DISC1: variants seen among roughly 807,000 people sequenced by gnomAD.
The protein encoded by DISC1 is DISC1 scaffold protein, also known as disrupted in schizophrenia 1 protein.
In DISC1, 57 loss-of-function variants were observed where a neutral mutation model predicts 84.5. The ratio of observed to expected loss-of-function variants is 0.67; its 90% confidence interval spans 0.55 to 0.84. The LOEUF is 0.84. Among genes scored for constraint, DISC1 ranks in the 40% least tolerant of loss-of-function variants. The probability of loss-of-function intolerance (pLI) is 0.00; values close to 1 mark genes in which losing one functional copy is unlikely to be tolerated. For missense variants in DISC1, 1,000 were observed against 1,057.8 expected (o/e 0.95, Z 0.76); for synonymous variants, 411 against 415.2 (o/e 0.99, Z 0.12).
At chr1:231,693,004 T>C (rs1461321998) in intron 1 of DISC1, among the ~76,000 whole-genome samples, 1 of 152,244 alleles carries the variant, frequency 6.6e-6, no homozygotes, top group African/African-American at 2.4e-5. Flanking sequence ...TGTCTACAAA[T>C]AGTAACTCAT....
intron 10 of DISC1, among the ~76,000 whole-genome samples, chr1:232,000,555 A>G (rs1772703): frequency 0.35 from 52,358 of 151,382 alleles, 9,626 homozygotes; most frequent in African/African-American, 0.48. Flanking sequence ...AAAGCTCCCC[A>G]AATTTGGTGA....
intron 3 of DISC1, chr1:231,745,339 A>G (rs1378896264): frequency 2.0e-5 from 3 of 152,362 alleles, no homozygotes; most frequent in Admixed American, 6.5e-5. Context: ...CTCCTGCCTC[A>G]GCCTCCCGAG....
intron 1 of DISC1, among the ~76,000 whole-genome samples, chr1:231,662,583 T>C (rs1175722831): frequency 6.6e-6 from 1 of 152,204 alleles, no homozygotes; most frequent in Non-Finnish European, 1.5e-5. Flanking sequence ...TCTGGACCAT[T>C]TGTATTCTCC....
intron 10 of DISC1, among the ~76,000 whole-genome samples, chr1:232,000,179 T>C (rs890158672): frequency 2.0e-5 from 3 of 152,192 alleles, no homozygotes; most frequent in African/African-American, 7.2e-5. Flanking sequence ...GAATTGTGTA[T>C]GGTCATCATG....
rs539267858 is a variant in DISC1 at position 232,039,274 on chromosome 1, C to A, written c.*2443C>A. On this transcript the variant is annotated 3_prime_UTR_variant, in exon 13 of 13. Coordinates refer to ENST00000439617, the MANE Select transcript of DISC1 (RefSeq NM_018662.3). ...ATTCCTACTTCGACATATGTCTTTTCAAAAAGCCTCCCAGACACAAGACAT... is the reference window on the plus strand; with the variant it reads ...ATTCCTACTTCGACATATGTCTTTTAAAAAAGCCTCCCAGACACAAGACAT... 4.6e-5 allele frequency: 7 copies of A among 152,280 alleles called. No individual in the cohort carries two copies. In the South Asian group the frequency reaches 1.2e-3, roughly 27 times the overall value. 9.4% of individuals were successfully genotyped at this position (152,280 alleles called of 1,614,324 possible). A position where few individuals can be genotyped will look rare whatever the true frequency, so the allele number is the denominator to read the frequency against.
intron 10 of DISC1, among the ~76,000 whole-genome samples, chr1:231,993,858 A>G (rs1292398248): frequency 6.6e-6 from 1 of 152,186 alleles, no homozygotes; most frequent in Non-Finnish European, 1.5e-5. Flanking sequence ...ATAATTATCA[A>G]TTTAATTATT....
intron 8 of DISC1, among the ~76,000 whole-genome samples, chr1:231,800,645 G>A (rs1285985821): frequency 1.3e-5 from 2 of 152,072 alleles, no homozygotes; most frequent in African/African-American, 4.8e-5. Context: ...TCTTACTCTG[G>A]CAGTTATTAA....
At chr1:231,865,483 A>G (rs535951905) in intron 9 of DISC1, among the ~76,000 whole-genome samples, 1 of 152,386 alleles carries the variant, frequency 6.6e-6, no homozygotes, top group Admixed American at 6.5e-5. Context: ...TTAATTCAAG[A>G]TAACATAATC....
At chr1:231,718,815 C>T (rs1306627654) in intron 3 of DISC1, among the ~76,000 whole-genome samples, 1 of 152,204 alleles carries the variant, frequency 6.6e-6, no homozygotes, top group East Asian at 1.9e-4. Flanking sequence ...CCTGCACTTA[C>T]CACCTCCTTC....
At chr1:231,978,455 G>C (rs1663128180) in intron 10 of DISC1, among the ~76,000 whole-genome samples, 1 of 151,982 alleles carries the variant, frequency 6.6e-6, no homozygotes, top group African/African-American at 2.4e-5. Flanking sequence ...ATTATCTTGA[G>C]GTACAATTTA....
intron 1 of DISC1, among the ~76,000 whole-genome samples, chr1:231,641,838 A>C (rs951023427): frequency 3.9e-4 from 59 of 152,334 alleles, no homozygotes; most frequent in Admixed American, 3.9e-3. Flanking sequence ...TGAGCTAGAC[A>C]TAAAGGTTCT....
At chr1:231,965,224 G>T (rs1023697628) in intron 10 of DISC1, among the ~76,000 whole-genome samples, 1 of 152,232 alleles carries the variant, frequency 6.6e-6, no homozygotes, top group African/African-American at 2.4e-5. Flanking sequence ...GACTTTTAGT[G>T]TATGTTTAAA....
At chr1:231,978,781 C>T (rs1327506912) in intron 10 of DISC1, among the ~76,000 whole-genome samples, 2 of 152,018 alleles carry the variant, frequency 1.3e-5, no homozygotes, top group Admixed American at 1.3e-4. Flanking sequence ...ATTTACTGTC[C>T]CAAATATCAA....
chr1:231,963,701 C>T (rs1239296699), intron 10 of DISC1, among the ~76,000 whole-genome samples: 1 of 152,192 alleles, frequency 6.6e-6, no homozygotes. Flanking sequence ...AGACAAAACT[C>T]CTCAGACGCT....
At chr1:231,774,857 G>T (rs745718512) in intron 6 of DISC1, 3 of 412,222 alleles carry the variant, frequency 7.3e-6, no homozygotes, top group South Asian at 5.2e-5. Flanking sequence ...TAACTAATTG[G>T]ACATGATCCT....
At chr1:231,811,088 TTA>T (rs1367594077) in intron 8 of DISC1, among the ~76,000 whole-genome samples, 7 of 152,238 alleles carry the variant, frequency 4.6e-5, no homozygotes, top group Non-Finnish European at 8.8e-5. Flanking sequence ...GTGTCCAGTG[TTA>T]TCTTCCCCTT....
chr1:232,035,123 T>C (rs1670396849), intron 12 of DISC1, among the ~76,000 whole-genome samples: 1 of 152,144 alleles, frequency 6.6e-6, no homozygotes, highest in African/African-American at 2.4e-5. Context: ...TTCATTTCCA[T>C]CATTCCCAGG....
intron 1 of DISC1, among the ~76,000 whole-genome samples, chr1:231,660,655 A>G (rs1192546284): frequency 6.6e-6 from 1 of 151,992 alleles, no homozygotes; most frequent in African/African-American, 2.4e-5. Context: ...GGGTTTCACC[A>G]TGTTGGCCAG....
Position 231,928,210 on chromosome 1 carries a change from C to T in DISC1, c.1982-30618C>T, listed in dbSNP as rs1190810732. Reference sequence around the variant, plus strand: ...TGATTTCTGCTCTCAGCTATTAAAACTGGAGAGGCAAGGCACATAGAAAGA... The same window carrying T: ...TGATTTCTGCTCTCAGCTATTAAAATTGGAGAGGCAAGGCACATAGAAAGA... On this transcript the variant is annotated intron_variant, in intron 9 of 12. Coordinates refer to ENST00000439617, the MANE Select transcript of DISC1 (RefSeq NM_018662.3). 3.9e-5 allele frequency among the ~76,000 whole-genome samples: 6 copies of T among 152,214 alleles called. No homozygotes were observed. In the East Asian group the frequency reaches 1.2e-3, roughly 29 times the overall value.
Sources: allele counts gnomAD v4.1 joint callset (sites outside exome capture counted in the v4.1 genomes callset), GRCh38; gene constraint gnomAD v4.1.1; transcripts MANE v1.5; gene names NCBI Gene and HGNC (gene_info 2026-07-23, HGNC 2026-07-21).